Variants in GRB14 observed in about 807,000 individuals in gnomAD.
The protein encoded by GRB14 is growth factor receptor bound protein 14.
In GRB14, 38 loss-of-function variants were observed where a neutral mutation model predicts 69.1. The observed-to-expected ratio is 0.55, with a 90% confidence interval of 0.42 to 0.72. The LOEUF is 0.72. GRB14 is among the 30% of genes least tolerant of loss of function. The pLI is 0.00. For missense variants in GRB14, 666 were observed against 666.1 expected (o/e 1.00, Z 0.00); for synonymous variants, 247 against 241.3 (o/e 1.02, Z -0.22).
intron 2 of GRB14, among the ~76,000 whole-genome samples, chr2:164,592,768 AT>A (rs970210947): frequency 6.6e-6 from 1 of 152,058 alleles, no homozygotes; most frequent in African/African-American, 2.4e-5. Context: ...CATACCAACA[AT>A]TTTTTTCAAA....
At chr2:164,511,285 C>T (rs1053693796) in intron 6 of GRB14, among the ~76,000 whole-genome samples, 3 of 152,150 alleles carry the variant, frequency 2.0e-5, no homozygotes, top group African/African-American at 4.8e-5. Context: ...GGGGTGGCTA[C>T]GGGAGTCCTT....
intron 2 of GRB14, among the ~76,000 whole-genome samples, chr2:164,608,741 C>A (rs1690099394): frequency 6.6e-6 from 1 of 151,988 alleles, no homozygotes; most frequent in Non-Finnish European, 1.5e-5. Context: ...AAATAAAAAT[C>A]AAGTATAAAA....
chr2:164,515,634 G>T (rs1333222908), intron 6 of GRB14, among the ~76,000 whole-genome samples: 6 of 151,966 alleles, frequency 3.9e-5, no homozygotes, highest in African/African-American at 1.5e-4. Context: ...AAACAATACT[G>T]GTAATATGAC....
intron 2 of GRB14, among the ~76,000 whole-genome samples, chr2:164,554,013 A>G (rs1402980944): frequency 6.6e-6 from 1 of 152,142 alleles, no homozygotes; most frequent in Non-Finnish European, 1.5e-5. Flanking sequence ...ACTCTCTAGT[A>G]GAGTTGAATA....
chr2:164,562,139 G>A (rs951739105), intron 2 of GRB14, among the ~76,000 whole-genome samples: 1 of 152,158 alleles, frequency 6.6e-6, no homozygotes, highest in Non-Finnish European at 1.5e-5. Flanking sequence ...ATGATCAAAA[G>A]TAACAAGTTC....
chr2:164,538,297 A>G (rs1474255039), intron 3 of GRB14, among the ~76,000 whole-genome samples: 2 of 152,198 alleles, frequency 1.3e-5, no homozygotes, highest in Admixed American at 1.3e-4. Context: ...CCACTGCTTC[A>G]TACCATGGCT....
intron 2 of GRB14, among the ~76,000 whole-genome samples, chr2:164,596,524 T>C (rs926106868): frequency 3.9e-5 from 6 of 152,332 alleles, no homozygotes; most frequent in Non-Finnish European, 8.8e-5. Flanking sequence ...TCCTTACATG[T>C]TATTCTAATC....
chr2:164,525,323 G>C (rs1687741554), intron 4 of GRB14, among the ~76,000 whole-genome samples: 2 of 152,042 alleles, frequency 1.3e-5, no homozygotes, highest in African/African-American at 2.4e-5. Flanking sequence ...TCAAGTATCT[G>C]GAGTTATAAA....
At chr2:164,555,746 T>C (rs889594501) in intron 2 of GRB14, among the ~76,000 whole-genome samples, 1 of 151,172 alleles carries the variant, frequency 6.6e-6, no homozygotes, top group Non-Finnish European at 1.5e-5. Flanking sequence ...ATTGTATCTA[T>C]TAATTATATA....
chr2:164,574,007 A>G (rs995903860), intron 2 of GRB14: 1 of 1,503,372 alleles, frequency 6.7e-7, no homozygotes, highest in East Asian at 2.3e-5. Flanking sequence ...GAATATTGAG[A>G]AGAAAATTCT....
chr2:164,554,594 C>G (rs1688631409), intron 2 of GRB14, among the ~76,000 whole-genome samples: 1 of 152,142 alleles, frequency 6.6e-6, no homozygotes, highest in Non-Finnish European at 1.5e-5. Context: ...TTCTGTGTCA[C>G]TCTAATCCTG....
intron 2 of GRB14, among the ~76,000 whole-genome samples, chr2:164,602,380 A>G (rs565413945): frequency 2.6e-3 from 396 of 152,318 alleles, no homozygotes; most frequent in African/African-American, 9.2e-3. Flanking sequence ...CCAAAATTCA[A>G]TAATATCTTG....
At chr2:164,530,219 G>A (rs1409467061) in intron 3 of GRB14, among the ~76,000 whole-genome samples, 4 of 152,142 alleles carry the variant, frequency 2.6e-5, no homozygotes, top group African/African-American at 9.7e-5. Flanking sequence ...GGAAGGTAAA[G>A]GGGGAGCAGG....
intron 1 of GRB14, 49 bp from the exon 2 acceptor site, chr2:164,619,868 A>C (rs1574364188): frequency 6.8e-7 from 1 of 1,476,808 alleles, no homozygotes; most frequent in Non-Finnish European, 9.4e-7. Flanking sequence ...AGAATGTAAA[A>C]TATAATTGCT....
chr2:164,557,399 T>C (rs949799553), intron 2 of GRB14, among the ~76,000 whole-genome samples: 5 of 152,172 alleles, frequency 3.3e-5, no homozygotes, highest in African/African-American at 9.7e-5. Context: ...TTTTAAAAAG[T>C]TGGCAACGTA....
At chr2:164,602,673 A>T (rs573363688) in intron 2 of GRB14, among the ~76,000 whole-genome samples, 18 of 152,354 alleles carry the variant, frequency 1.2e-4, no homozygotes, top group African/African-American at 4.1e-4. Flanking sequence ...TTCATTCAGC[A>T]AGTATATACA....
chr2:164,493,083 C>T lies in GRB14; in HGVS notation c.1576G>A (p.Val526Ile), dbSNP rs142669508. 7.9e-5 allele frequency: 128 copies of T among 1,613,376 alleles called. No individual in the cohort carries two copies. The highest frequency in any genetic ancestry group is 4.9e-4 in the Middle Eastern group (3 of 6,080). ...TAATGTTTCAACTTGCAAGGAAGAACGCCCTTATTGAGTTGATAGAACTCC... is the reference window on the plus strand; with the variant it reads ...TAATGTTTCAACTTGCAAGGAAGAATGCCCTTATTGAGTTGATAGAACTCC... ...LVEFYQLNKG[V>I]LPCKLKHYCA... The change falls in exon 14 of 14, where the codon GTT becomes ATT. Residue 526 changes from valine (V) to isoleucine (I), a missense_variant. Physicochemically the swap from Val to Ile is conservative, Grantham distance 29. Transcript: ENST00000263915.
intron 2 of GRB14, among the ~76,000 whole-genome samples, chr2:164,572,389 C>T (rs534827267): frequency 6.6e-6 from 1 of 152,272 alleles, no homozygotes; most frequent in Admixed American, 6.5e-5. Flanking sequence ...AATGAAGGCC[C>T]AAGGCCAGTC....
At chr2:164,582,239 A>G (rs1297273938) in intron 2 of GRB14, among the ~76,000 whole-genome samples, 2 of 152,168 alleles carry the variant, frequency 1.3e-5, no homozygotes, top group African/African-American at 2.4e-5. Context: ...TTTCTAGTTC[A>G]GTGAATGGCC....
Sources: gnomAD v4.1 joint callset for allele counts (sites outside exome capture counted in the v4.1 genomes callset) on GRCh38, gnomAD v4.1.1 for gene constraint, MANE v1.5 for transcripts, NCBI Gene and HGNC (gene_info 2026-07-23, HGNC 2026-07-21) for gene names.